PPP3CA: variants seen among roughly 807,000 people sequenced by gnomAD.
PPP3CA encodes CAM-PRP catalytic subunit.
Under a neutral mutation model 66.5 loss-of-function variants are expected in PPP3CA, and 14 were observed. The observed-to-expected ratio is 0.21, with a 90% CI of 0.14 to 0.33. The LOEUF is 0.33. Among genes scored for constraint, PPP3CA ranks in the 10% least tolerant of loss-of-function variants. The probability of loss-of-function intolerance (pLI) is 1.00; values close to 1 mark genes in which losing one functional copy is unlikely to be tolerated. For missense variants in PPP3CA, 317 were observed against 639.5 expected, an observed-to-expected ratio of 0.50 and a Z score of 5.44; for synonymous variants, 232 against 226.2, an observed-to-expected ratio of 1.03 and a Z score of -0.23.
chr4:101,334,968 T>A (rs993387153), intron 1 of PPP3CA, among the ~76,000 whole-genome samples: 8 of 152,198 alleles, frequency 5.3e-5, no homozygotes, highest in African/African-American at 1.9e-4. Flanking sequence ...ATCAAGCAAC[T>A]GCAATTTATA....
At chr4:101,303,870 T>C (rs1213981026) in intron 1 of PPP3CA, among the ~76,000 whole-genome samples, 1 of 152,234 alleles carries the variant, frequency 6.6e-6, no homozygotes, top group Non-Finnish European at 1.5e-5. Flanking sequence ...CTGTTTTTGT[T>C]TGTATTATCA....
In PPP3CA at chr4:101,063,255, G is replaced by T; in HGVS notation, c.1058C>A (p.Ser353Tyr). 1 of 1,611,220 alleles carries T rather than the reference G, an allele frequency of 6.2e-7. No individual in the cohort carries two copies. Among genetic ancestry groups the T allele is most frequent in the South Asian group, 1.1e-5 (1 of 90,780 alleles). Residue 353 changes from serine (S) to tyrosine (Y), a missense_variant, in exon 9 of 14, where the codon TCC (serine) becomes TAC (tyrosine). Transcript: ENST00000394854. ...ACCTTTTTCCCCAACAAATGGAAGG[G>T]ACCAAGTAAAAACATCCATGAAATT... ...LPNFMDVFTW[S>Y]LPFVGEKVTE...
intron 2 of PPP3CA, among the ~76,000 whole-genome samples, chr4:101,165,618 T>G (rs1302048245): frequency 6.6e-6 from 1 of 152,178 alleles, no homozygotes; most frequent in East Asian, 1.9e-4. Context: ...GATGTCTAAG[T>G]AGTTGTTCAA....
At chr4:101,193,782 T>G (rs1411859101) in intron 2 of PPP3CA, among the ~76,000 whole-genome samples, 4 of 137,022 alleles carry the variant, frequency 2.9e-5, no homozygotes, top group African/African-American at 1.3e-4. Context: ...TTTGTTCATT[T>G]TAACTTTAAA....
chr4:101,347,010 C>T lies in PPP3CA; in HGVS notation c.-214G>A, dbSNP rs1040252949. The stretch of plus-strand genomic sequence containing the variant: ...GCCGCCGCCTTCACTCCTCCTCCGC[C>T]GCTGCCGCCAGCCCCGCCGACTCGC... On this transcript the variant is annotated 5_prime_UTR_variant, in exon 1 of 14. Coordinates refer to ENST00000394854, the MANE Select transcript of PPP3CA (RefSeq NM_000944.5). 4 of 603,818 alleles carry T rather than the reference C, an allele frequency of 6.6e-6. No homozygotes were observed. Among genetic ancestry groups the T allele is most frequent in the Non-Finnish European group, 8.7e-6 (3 of 346,520 alleles). The allele number at this position is 603,818 out of a possible 1,614,324, so 37.4% of individuals were successfully genotyped here.
chr4:101,066,459 C>T (rs1258708205), intron 8 of PPP3CA, among the ~76,000 whole-genome samples: 1 of 152,016 alleles, frequency 6.6e-6, no homozygotes, highest in Non-Finnish European at 1.5e-5. Flanking sequence ...AAGGCCTCAT[C>T]ACTAATGCAA....
At chr4:101,293,882 C>T (rs564716416) in intron 1 of PPP3CA, among the ~76,000 whole-genome samples, 1 of 152,082 alleles carries the variant, frequency 6.6e-6, no homozygotes, top group African/African-American at 2.4e-5. Context: ...CTCTCTTTTG[C>T]TCCATGAGGG....
At chr4:101,122,359 C>G (rs1722057830) in intron 2 of PPP3CA, among the ~76,000 whole-genome samples, 1 of 152,026 alleles carries the variant, frequency 6.6e-6, no homozygotes, top group African/African-American at 2.4e-5. Context: ...TTTTTTTATA[C>G]CTTGGATTTC....
At chr4:101,112,303 C>T (rs1721699942) in intron 2 of PPP3CA, among the ~76,000 whole-genome samples, 1 of 152,122 alleles carries the variant, frequency 6.6e-6, no homozygotes. Flanking sequence ...TTAATCTCTT[C>T]TTCCTGGTCT....
chr4:101,339,760 C>A (rs931697694), intron 1 of PPP3CA, among the ~76,000 whole-genome samples: 1 of 152,118 alleles, frequency 6.6e-6, no homozygotes, highest in Non-Finnish European at 1.5e-5. Flanking sequence ...AGACAATGAC[C>A]ATTTTTTCCA....
chr4:101,344,320 C>T (rs1729910602), intron 1 of PPP3CA, among the ~76,000 whole-genome samples: 1 of 152,116 alleles, frequency 6.6e-6, no homozygotes, highest in Non-Finnish European at 1.5e-5. Context: ...TAGATTATCT[C>T]AAATAACTAA....
Position 101,290,978 on chromosome 4 carries a change from G to A in PPP3CA, c.58+55761C>T, listed in dbSNP as rs1728004640. Among the ~76,000 whole-genome samples the A allele has an allele frequency of 3.3e-5, 5 of 152,314 alleles. No homozygotes were observed. The South Asian group carries it at 1.0e-3, about 32-fold the overall frequency. On this transcript the variant is annotated intron_variant, in intron 1 of 13. Transcript: ENST00000394854. ...TTGGTGTGAACAGGCAAGGCTTGGAGCTACTATAACCATTTTGCTACCATA... is the reference window on the plus strand; with the variant it reads ...TTGGTGTGAACAGGCAAGGCTTGGAACTACTATAACCATTTTGCTACCATA...
In PPP3CA at chr4:101,111,908, A is replaced by T. The variant is rs899594759; in HGVS notation, c.260-2830T>A. 2.0e-5 allele frequency among the ~76,000 whole-genome samples: 3 copies of T among 152,112 alleles called. No homozygotes were observed. The East Asian group carries it at 5.8e-4, about 29-fold the overall frequency. On this transcript the variant is annotated intron_variant, in intron 2 of 13. Transcript: ENST00000394854. ...ATGTCAAGGTCCCAGACAGAATAGA[A>T]CTCCGGTGCTTGGAGGTGGGAGGAA...
intron 1 of PPP3CA, among the ~76,000 whole-genome samples, chr4:101,257,357 A>G (rs1409859261): frequency 2.7e-5 from 4 of 149,444 alleles, no homozygotes; most frequent in Admixed American, 6.7e-5. Flanking sequence ...AGAATTCCAC[A>G]TTCAGTGACA....
chr4:101,100,193 C>G (rs1730379158), intron 3 of PPP3CA, among the ~76,000 whole-genome samples: 2 of 151,988 alleles, frequency 1.3e-5, no homozygotes, highest in Admixed American at 1.3e-4. Flanking sequence ...ACCAAAGACA[C>G]TGACAGAAAA....
At chr4:101,185,447 C>A (rs1420470518) in intron 2 of PPP3CA, among the ~76,000 whole-genome samples, 1 of 152,074 alleles carries the variant, frequency 6.6e-6, no homozygotes, top group Non-Finnish European at 1.5e-5. Context: ...ACTTCTAAAG[C>A]TAAACTTTTG....
intron 8 of PPP3CA, among the ~76,000 whole-genome samples, chr4:101,069,630 G>A (rs189712153): frequency 2.6e-5 from 4 of 152,240 alleles, no homozygotes; most frequent in Admixed American, 2.0e-4. Context: ...ATGCAGTTTT[G>A]AACTGCATGG....
Position 101,347,140 on chromosome 4 carries a change from A to T in PPP3CA, c.-344T>A. The T allele has an allele frequency of 4.7e-6, 2 of 425,494 alleles. No homozygotes were observed. Among genetic ancestry groups the T allele is most frequent in the South Asian group, 4.3e-5 (2 of 46,388 alleles). 26.4% of individuals were successfully genotyped at this position (425,494 alleles called of 1,614,324 possible). On this transcript the variant is annotated 5_prime_UTR_variant, in exon 1 of 14. Coordinates refer to ENST00000394854, the MANE Select transcript of PPP3CA (RefSeq NM_000944.5). ...GGGGATGGGGAGGAGAAGCGCACAC[A>T]CGAGCACCCACCCCGGCACGGAGAC...
intron 1 of PPP3CA, among the ~76,000 whole-genome samples, chr4:101,242,524 T>C (rs1223368907): frequency 3.0e-5 from 3 of 101,660 alleles, no homozygotes; most frequent in African/African-American, 5.2e-5. Context: ...GTAAGGAAAA[T>C]ATTGGTTTAA....
Sources: gnomAD v4.1 joint callset for allele counts (sites outside exome capture counted in the v4.1 genomes callset) on GRCh38, gnomAD v4.1.1 for gene constraint, MANE v1.5 for transcripts, NCBI Gene and HGNC (gene_info 2026-07-23, HGNC 2026-07-21) for gene names.